FOXN3: variants seen among roughly 807,000 people sequenced by gnomAD.
FOXN3 encodes the protein forkhead box protein N3.
In FOXN3, 7 loss-of-function variants were observed where a neutral mutation model predicts 38.4. The ratio of observed to expected loss-of-function variants is 0.18; its 90% CI spans 0.10 to 0.34. FOXN3 has a LOEUF of 0.34. FOXN3 is among the 10% of genes least tolerant of loss of function. The pLI, the probability that FOXN3 is intolerant of heterozygous loss-of-function variation, is 1.00. For synonymous variants in FOXN3, 230 were observed against 242.2 expected, an observed-to-expected ratio of 0.95 and a Z score of 0.47; for missense variants, 456 against 613.4, an observed-to-expected ratio of 0.74 and a Z score of 2.71.
intron 3 of FOXN3, among the ~76,000 whole-genome samples, chr14:89,313,597 T>TATAC (rs66893577): frequency 2.2e-4 from 2 of 9,040 alleles, no homozygotes; most frequent in African/African-American, 1.2e-3. Context: ...GAAGTCCATG[T>TATAC]ATACTACTGT....
chr14:89,355,905 T>C (rs1889201300), intron 2 of FOXN3, among the ~76,000 whole-genome samples: 1 of 152,050 alleles, frequency 6.6e-6, no homozygotes, highest in African/African-American at 2.4e-5. Flanking sequence ...TCTGGGGCAG[T>C]GCCTAAAGAA....
At chr14:89,429,543 T>C (rs1262643062) in intron 1 of FOXN3, among the ~76,000 whole-genome samples, 1 of 152,114 alleles carries the variant, frequency 6.6e-6, no homozygotes, top group African/African-American at 2.4e-5. Context: ...TTTTTTTTTT[T>C]TGAAGCCTGA....
chr14:89,269,416 C>G (rs1886077522), intron 4 of FOXN3, among the ~76,000 whole-genome samples: 1 of 152,042 alleles, frequency 6.6e-6, no homozygotes, highest in African/African-American at 2.4e-5. Context: ...ATTCTTGAAA[C>G]CAAGGGGTTA....
intron 4 of FOXN3, among the ~76,000 whole-genome samples, chr14:89,280,472 GC>G (rs1886424288): frequency 6.6e-6 from 1 of 152,074 alleles, no homozygotes; most frequent in Admixed American, 6.6e-5. Context: ...ACAAACCACG[GC>G]CAACCTTCCA....
chr14:89,376,062 C>T (rs762208651), intron 2 of FOXN3, among the ~76,000 whole-genome samples: 5 of 152,172 alleles, frequency 3.3e-5, no homozygotes, highest in Non-Finnish European at 5.9e-5. Context: ...GGATTACAGG[C>T]GTGAGCCACC....
At chr14:89,321,912 G>A (rs1887909553) in intron 3 of FOXN3, among the ~76,000 whole-genome samples, 2 of 151,966 alleles carry the variant, frequency 1.3e-5, no homozygotes, top group Non-Finnish European at 1.5e-5. Flanking sequence ...ACCCTCAACT[G>A]GATTGTCTCA....
intron 3 of FOXN3, among the ~76,000 whole-genome samples, chr14:89,336,011 T>C (rs1888441575): frequency 6.6e-6 from 1 of 152,160 alleles, no homozygotes; most frequent in South Asian, 2.1e-4. Context: ...GAAAGCTTTA[T>C]AATATGGTGA....
intron 5 of FOXN3, among the ~76,000 whole-genome samples, chr14:89,172,985 T>C (rs940459403): frequency 1.8e-4 from 28 of 152,236 alleles, no homozygotes; most frequent in African/African-American, 6.7e-4. Context: ...AAAAGATTGA[T>C]AAATGTGATT....
At chr14:89,334,367 T>C (rs961867662) in intron 3 of FOXN3, among the ~76,000 whole-genome samples, 1 of 152,078 alleles carries the variant, frequency 6.6e-6, no homozygotes, top group Admixed American at 6.6e-5. Flanking sequence ...CCCAGCACTT[T>C]GGGAGGATGA....
intron 1 of FOXN3, among the ~76,000 whole-genome samples, chr14:89,489,345 C>A (rs1893524381): frequency 6.6e-6 from 1 of 152,176 alleles, no homozygotes; most frequent in South Asian, 2.1e-4. Flanking sequence ...AGGCGTTTGG[C>A]TACTAATTAA....
intron 2 of FOXN3, among the ~76,000 whole-genome samples, chr14:89,406,879 T>C (rs1891402381): frequency 1.3e-5 from 2 of 152,204 alleles, no homozygotes; most frequent in South Asian, 4.1e-4. Context: ...TCAGAGAGGT[T>C]AGTACATGCT....
chr14:89,394,723 C>T (rs1891059086), intron 2 of FOXN3, among the ~76,000 whole-genome samples: 1 of 152,200 alleles, frequency 6.6e-6, no homozygotes, highest in African/African-American at 2.4e-5. Flanking sequence ...CCTGGGATTC[C>T]AGGAATAGGA....
intron 3 of FOXN3, among the ~76,000 whole-genome samples, chr14:89,328,841 A>G (rs1888155252): frequency 6.6e-6 from 1 of 152,222 alleles, no homozygotes; most frequent in African/African-American, 2.4e-5. Flanking sequence ...ATAACAAGAT[A>G]AAGAGCAGGT....
intron 2 of FOXN3, among the ~76,000 whole-genome samples, chr14:89,365,887 A>C (rs1890126318): frequency 6.6e-6 from 1 of 152,226 alleles, no homozygotes; most frequent in Admixed American, 6.5e-5. Context: ...AAAATTTAAC[A>C]TGAAAGTTAA....
At chr14:89,309,492 A>G (rs975363142) in intron 3 of FOXN3, among the ~76,000 whole-genome samples, 5 of 152,222 alleles carry the variant, frequency 3.3e-5, no homozygotes, top group Admixed American at 1.3e-4. Flanking sequence ...ATTTCACAGA[A>G]AAGTCTGTGC....
chr14:89,556,362 C>T, intron 1 of FOXN3, among the ~76,000 whole-genome samples: 1 of 149,764 alleles, frequency 6.7e-6, no homozygotes. Context: ...AAAATCACGC[C>T]ATTGCACTCT....
At chr14:89,216,712 T>C (rs996528177) in intron 4 of FOXN3, among the ~76,000 whole-genome samples, 4 of 152,210 alleles carry the variant, frequency 2.6e-5, no homozygotes, top group African/African-American at 9.6e-5. Flanking sequence ...AGGCCAGGTT[T>C]GGTCTTAGAC....
chr14:89,442,304 C>A (rs1214305568), intron 1 of FOXN3, among the ~76,000 whole-genome samples: 1 of 152,138 alleles, frequency 6.6e-6, no homozygotes, highest in Admixed American at 6.6e-5. Context: ...GCTCATCAAG[C>A]CACTTTCAGG....
chr14:89,597,827 A>T (rs999633155), intron 1 of FOXN3, among the ~76,000 whole-genome samples: 2 of 152,158 alleles, frequency 1.3e-5, no homozygotes, highest in African/African-American at 4.8e-5. Flanking sequence ...TAAGAAAGGT[A>T]TGTCTCTTTA....
Sources: allele counts gnomAD v4.1 joint callset (sites outside exome capture counted in the v4.1 genomes callset), GRCh38; gene constraint gnomAD v4.1.1; transcripts MANE v1.5; gene names NCBI Gene and HGNC (gene_info 2026-07-23, HGNC 2026-07-21).